The following IGDCC4 variants were observed in gnomAD, a reference collection of about 807,000 sequenced individuals.
IGDCC4 encodes the protein immunoglobulin superfamily DCC subclass member 4, also known as likely ortholog of mouse neighbor of Punc E11.
In IGDCC4, 72 loss-of-function variants were observed where a neutral mutation model predicts 116.6. That is an observed-to-expected ratio of 0.62 (90% CI 0.51 to 0.75). The LOEUF is 0.75. Ranked by LOEUF, IGDCC4 falls within the 30% of genes least tolerant of loss-of-function variation. The pLI is 0.00. For missense variants in IGDCC4, 1,501 were observed against 1,662.4 expected (o/e 0.90, Z 1.69); for synonymous variants, 709 against 719.9 (o/e 0.98, Z 0.24).
At chr15:65,391,603 A>G (rs2091515525) in intron 12 of IGDCC4, among the ~76,000 whole-genome samples, 1 of 152,174 alleles carries the variant, frequency 6.6e-6, no homozygotes, top group Non-Finnish European at 1.5e-5. Context: ...CTGATCAACC[A>G]TAGGGTTTCC....
intron 2 of IGDCC4, 69 bp downstream of exon 2, chr15:65,410,951 G>A: frequency 7.8e-7 from 1 of 1,278,352 alleles, no homozygotes; most frequent in Non-Finnish European, 1.1e-6. Context: ...GTAACTAACT[G>A]CAGATCCCAC....
rs2062931941 is a variant in IGDCC4 at position 65,396,822 on chromosome 15, G to C, written c.997+12C>G. On this transcript the variant is annotated intron_variant, in intron 6 of 19. Transcript: ENST00000352385. ...AGCTAACCCGCTCCCTCCGCCCTTC[G>C]GCCCGCCTCACCCAGCACACGGAGC... The C allele has an allele frequency of 6.4e-7, 1 of 1,558,078 alleles. No homozygotes were observed. Among genetic ancestry groups the C allele is most frequent in the Non-Finnish European group, 8.7e-7 (1 of 1,150,932 alleles).
chr15:65,415,922 G>A (rs920465839), intron 1 of IGDCC4, among the ~76,000 whole-genome samples: 4 of 152,024 alleles, frequency 2.6e-5, no homozygotes, highest in Non-Finnish European at 5.9e-5. Context: ...CAGACAAGGG[G>A]GTGTGGTGGG....
chr15:65,410,377 C>T, intron 2 of IGDCC4, 58 bp from the exon 3 acceptor site: 1 of 1,598,076 alleles, frequency 6.3e-7, no homozygotes, highest in South Asian at 1.1e-5. Context: ...GAAGCCACAG[C>T]AAGCACAAAC....
intron 3 of IGDCC4, 41 bp from the exon 4 acceptor site, chr15:65,402,528 G>GA (rs1192504422): frequency 6.4e-7 from 1 of 1,552,902 alleles, no homozygotes; most frequent in East Asian, 2.4e-5. Context: ...GTGGGCAGGG[G>GA]GGCCACAGGG....
rs1190609062 is a variant in IGDCC4 at position 65,410,091 on chromosome 15, C to T, written c.563+87G>A. On this transcript the variant is annotated intron_variant, in intron 3 of 19. Coordinates refer to ENST00000352385, the MANE Select transcript of IGDCC4 (RefSeq NM_020962.3). ...AGTCAGCTTAGGTAAATGCAGCTAC[C>T]TCGACTCTAAGAATCTCAGTTCTGA... 4.7e-6 allele frequency: 7 copies of T among 1,503,790 alleles called. No homozygotes were observed. The African/African-American group carries it at 8.2e-5, about 18-fold the overall frequency. 93.2% of individuals were successfully genotyped at this position (1,503,790 alleles called of 1,614,324 possible).
In IGDCC4 at chr15:65,384,779, G is replaced by A. The variant is rs920004092; in HGVS notation, c.3342+175C>T. On this transcript the variant is annotated intron_variant, in intron 19 of 19. Coordinates refer to ENST00000352385, the MANE Select transcript of IGDCC4 (RefSeq NM_020962.3). The surrounding 1 kb of genome is among the most constrained non-coding windows in gnomAD (Gnocchi z 4.9). Reference sequence around the variant, plus strand: ...TCAACCCAGGTTGAAACAGGTTCCTGCAAACTGGCCTGCCCTCCACCTACT... The same window carrying A: ...TCAACCCAGGTTGAAACAGGTTCCTACAAACTGGCCTGCCCTCCACCTACT... 1.7e-5 allele frequency: 14 copies of A among 814,942 alleles called. No individual in the cohort carries two copies. The highest frequency in any genetic ancestry group is 2.9e-5 in the Admixed American group (1 of 34,584). The allele number at this position is 814,942 out of a possible 1,614,324, so 50.5% of individuals were successfully genotyped here.
intron 1 of IGDCC4, among the ~76,000 whole-genome samples, chr15:65,416,624 C>T (rs570784110): frequency 9.9e-5 from 15 of 152,232 alleles, no homozygotes; most frequent in African/African-American, 3.4e-4. Context: ...TGACCCCCAA[C>T]ATTTTTAGCC....
chr15:65,390,417 A>G, intron 12 of IGDCC4, 79 bp from the exon 13 acceptor site: 2 of 1,231,410 alleles, frequency 1.6e-6, no homozygotes, highest in East Asian at 2.5e-5. Context: ...TACAGTTCCC[A>G]AGGCTGTTTC....
intron 5 of IGDCC4, 44 bp from the exon 6 acceptor site, chr15:65,397,033 T>G: frequency 1.3e-6 from 2 of 1,553,270 alleles, no homozygotes; most frequent in Non-Finnish European, 1.7e-6. Context: ...CGCTAGGGAC[T>G]GCCCTTCCCT....
intron 1 of IGDCC4, among the ~76,000 whole-genome samples, chr15:65,413,967 T>A (rs1408543271): frequency 6.6e-6 from 1 of 152,230 alleles, no homozygotes; most frequent in South Asian, 2.1e-4. Context: ...ATTCACGACA[T>A]GGACACACCT....
At chr15:65,400,764 C>T in intron 5 of IGDCC4, 42 bp downstream of exon 5, 1 of 1,555,692 alleles carries the variant, frequency 6.4e-7, no homozygotes, top group South Asian at 1.2e-5. Flanking sequence ...ATGCCACATC[C>T]CTCCCTTCCC....
At chr15:65,403,013 A>G (rs371165372) in intron 3 of IGDCC4, among the ~76,000 whole-genome samples, 8 of 152,354 alleles carry the variant, frequency 5.3e-5, no homozygotes, top group South Asian at 4.1e-4. Flanking sequence ...CCATCTGTCC[A>G]GGGCAAGTTG....
chr15:65,389,556 C>T, intron 13 of IGDCC4, 145 bp from the exon 14 acceptor site: 1 of 1,075,890 alleles, frequency 9.3e-7, no homozygotes, highest in Non-Finnish European at 1.4e-6. Flanking sequence ...GAGGCGACTA[C>T]CACCACCCAG....
chr15:65,383,025 C>A lies in IGDCC4; in HGVS notation c.*984G>T, dbSNP rs147688425. 2.3e-3 allele frequency: 344 copies of A among 152,804 alleles called. 3 individuals carry two copies. The highest frequency in any genetic ancestry group is 5.4e-3 in the South Asian group (26 of 4,830). 9.5% of individuals were successfully genotyped at this position (152,804 alleles called of 1,614,324 possible). The stretch of plus-strand genomic sequence containing the variant: ...GGGAAGCCAGAAGATCTTCTCCACA[C>A]CCGCACTGGGCGTGGGTGGGCTGCC... On this transcript the variant is annotated 3_prime_UTR_variant, in exon 20 of 20. Transcript: ENST00000352385.
At chr15:65,416,231 G>A (rs1309896508) in intron 1 of IGDCC4, among the ~76,000 whole-genome samples, 1 of 129,704 alleles carries the variant, frequency 7.7e-6, no homozygotes, top group Non-Finnish European at 1.5e-5. Context: ...TCCGCCTCCC[G>A]GGTTCGAGAC....
In IGDCC4 at chr15:65,385,820, C is replaced by A; in HGVS notation, c.3180+11G>T. On this transcript the variant is annotated intron_variant, in intron 18 of 19. Coordinates refer to ENST00000352385, the MANE Select transcript of IGDCC4 (RefSeq NM_020962.3). Reference sequence around the variant, plus strand: ...TTTAGAAAAGAGCCGCAATGTGGGGCTCTGACTTACCTTTCTTTTGGAGTG... The same window carrying A: ...TTTAGAAAAGAGCCGCAATGTGGGGATCTGACTTACCTTTCTTTTGGAGTG... 2.5e-6 allele frequency: 4 copies of A among 1,605,608 alleles called. No individual in the cohort carries two copies. The highest frequency in any genetic ancestry group is 3.4e-6 in the Non-Finnish European group (4 of 1,173,826).
chr15:65,406,475 G>A (rs547168501), intron 3 of IGDCC4, among the ~76,000 whole-genome samples: 157 of 152,242 alleles, frequency 1.0e-3, no homozygotes, highest in African/African-American at 3.7e-3. Context: ...TATGAGTACC[G>A]GGGATTTGCC....
chr15:65,422,779 G>T lies in IGDCC4; in HGVS notation c.70+14C>A. 1.5e-6 allele frequency: 2 copies of T among 1,330,592 alleles called. No homozygotes were observed. Among genetic ancestry groups the T allele is most frequent in the Non-Finnish European group, 9.6e-7 (1 of 1,040,890 alleles). 82.4% of individuals were successfully genotyped at this position (1,330,592 alleles called of 1,614,324 possible). A position where few individuals can be genotyped will look rare whatever the true frequency, so the allele number is the denominator to read the frequency against. On this transcript the variant is annotated intron_variant, in intron 1 of 19. Transcript: ENST00000352385. Reference sequence around the variant, plus strand: ...TCCGCAGTCGCTCCTGCCTCTCCGGGCGCCCGCCCTTACCGCGCGCGGCCA... The same window carrying T: ...TCCGCAGTCGCTCCTGCCTCTCCGGTCGCCCGCCCTTACCGCGCGCGGCCA...
Sources: gnomAD v4.1 joint callset for allele counts (sites outside exome capture counted in the v4.1 genomes callset) on GRCh38, gnomAD v4.1.1 for gene constraint, Gnocchi (gnomAD v3.1) non-coding constraint, MANE v1.5 for transcripts, NCBI Gene and HGNC (gene_info 2026-07-23, HGNC 2026-07-21) for gene names.